The following FIBP variants were observed in gnomAD, a reference collection of about 807,000 sequenced individuals.
The protein encoded by FIBP is acidic fibroblast growth factor intracellular-binding protein.
In FIBP, 29 loss-of-function variants were observed where a neutral mutation model predicts 40.5. That is an observed-to-expected ratio of 0.72 (90% CI 0.53 to 0.98). The LOEUF (loss-of-function observed/expected upper bound fraction) is 0.98. Among genes scored for constraint, FIBP ranks in the 50% least tolerant of loss-of-function variants. The pLI, the probability that FIBP is intolerant of heterozygous loss-of-function variation, is 0.00. For missense variants in FIBP, 411 were observed against 470.2 expected, an observed-to-expected ratio of 0.87 and a Z score of 1.16; for synonymous variants, 215 against 191.1, an observed-to-expected ratio of 1.13 and a Z score of -1.03.
At chr11:65,886,509 C>A in intron 3 of FIBP, 87 bp from the exon 4 acceptor site, 3 of 838,362 alleles carry the variant, frequency 3.6e-6, no homozygotes, top group Non-Finnish European at 6.2e-6. Flanking sequence ...AACATCTCTC[C>A]CTTCCCCATC....
chr11:65,887,441 A>C, intron 3 of FIBP, 159 bp downstream of exon 3: 6 of 766,032 alleles, frequency 7.8e-6, no homozygotes, highest in Non-Finnish European at 1.1e-5. Flanking sequence ...GCAAGACTCC[A>C]TCTCGAAAAA....
At chr11:65,886,613 A>C (rs892626402) in intron 3 of FIBP, 191 bp from the exon 4 acceptor site, 1 of 551,214 alleles carries the variant, frequency 1.8e-6, no homozygotes, top group Non-Finnish European at 3.3e-6. Context: ...AATGCTTAGC[A>C]ACTCCTGCTG....
chr11:65,884,348 G>A (rs769233818), intron 9 of FIBP, 44 bp downstream of exon 9: 1 of 1,574,254 alleles, frequency 6.4e-7, no homozygotes, highest in East Asian at 2.3e-5. Context: ...GCAGGTGGCA[G>A]GCTGGGGCAA....
At position 65,885,531 on chromosome 11, in the gene FIBP, G is replaced by A. The variant is rs34330224; in HGVS notation, c.645C>T (p.Val215=). 4.1e-4 allele frequency: 655 copies of A among 1,613,316 alleles called. No homozygotes were observed. In the African/African-American group the frequency reaches 7.1e-3, roughly 17 times the overall value. The change falls in exon 5 of 10, where the codon GTC becomes GTT. Residue 215 remains valine, a splice_region_variant and synonymous_variant. Coordinates refer to ENST00000357519, the MANE Select transcript of FIBP (RefSeq NM_004214.5). ...LMIQNWTLGA[V]DSQMDDMDMD... is the part of the protein sequence containing the mutation. ...CACCTGGGTCAGTGGGGGCCTCACC[G>A]ACGGCTCCAAGGGTCCAGTTTTGGA...
At chr11:65,886,759 A>G (rs1860247846) in intron 3 of FIBP, 1 of 218,228 alleles carries the variant, frequency 4.6e-6, no homozygotes, top group Non-Finnish European at 9.2e-6. Flanking sequence ...AAAAAATAAA[A>G]AACAAATGCT....
chr11:65,887,889 ACAGT>A (rs924522877), intron 2 of FIBP, 41 bp downstream of exon 2: 1 of 1,600,042 alleles, frequency 6.2e-7, no homozygotes, highest in African/African-American at 1.3e-5. Context: ...AAATGGGTAT[ACAGT>A]CAGACTGGTT....
At position 65,883,958 on chromosome 11, in the gene FIBP, A is replaced by C. The variant is rs751873866; in HGVS notation, c.*16T>G. 6.2e-7 allele frequency: 1 copy of C among 1,612,508 alleles called. No homozygotes were observed. Among genetic ancestry groups the C allele is most frequent in the African/African-American group, 1.3e-5 (1 of 74,886 alleles). On this transcript the variant is annotated 3_prime_UTR_variant, in exon 10 of 10. Coordinates refer to ENST00000357519, the MANE Select transcript of FIBP (RefSeq NM_004214.5). ...GCAACTTTATTGTCAGCGTGGGCGG[A>C]GCGTTGGGAGGCACCTCAGTCATGA...
chr11:65,884,265 G>A, intron 9 of FIBP, 127 bp downstream of exon 9: 1 of 894,470 alleles, frequency 1.1e-6, no homozygotes, highest in Non-Finnish European at 1.8e-6. Context: ...CCAGAGCTTT[G>A]GTCCAGAGAC....
At chr11:65,887,500 G>A in intron 3 of FIBP, 100 bp downstream of exon 3, 1 of 1,138,774 alleles carries the variant, frequency 8.8e-7, no homozygotes, top group Non-Finnish European at 1.3e-6. Flanking sequence ...GACTAGGTAT[G>A]AAGCTGCTGC....
rs1423910137 is a variant in FIBP, at chr11:65,883,886, C to G, written c.*88G>C. 1.7e-6 allele frequency: 2 copies of G among 1,162,950 alleles called. No individual in the cohort carries two copies. The highest frequency in any genetic ancestry group is 2.5e-6 in the Non-Finnish European group (2 of 796,768). 72.0% of individuals were successfully genotyped at this position (1,162,950 alleles called of 1,614,324 possible). A position where few individuals can be genotyped will look rare whatever the true frequency, so the allele number is the denominator to read the frequency against. Reference sequence around the variant, plus strand: ...AGAGACAGACACAGGCACATCTGCACGCCCCCCACTTGCTCCCCGGAGCGA... The same window carrying G: ...AGAGACAGACACAGGCACATCTGCAGGCCCCCCACTTGCTCCCCGGAGCGA... On this transcript the variant is annotated 3_prime_UTR_variant, in exon 10 of 10. Coordinates refer to ENST00000357519, the MANE Select transcript of FIBP (RefSeq NM_004214.5).
At chr11:65,888,204 C>T (rs1860295273) in intron 1 of FIBP, 72 bp from the exon 2 acceptor site, 2 of 1,484,974 alleles carry the variant, frequency 1.3e-6, no homozygotes, top group South Asian at 1.2e-5. Context: ...CCATCCCAGA[C>T]CCCTATAACA....
In FIBP at chr11:65,884,004, G is replaced by A. The variant is rs200017030; in HGVS notation, c.1044C>T (p.Arg348=). The A allele has an allele frequency of 7.7e-5, 125 of 1,613,952 alleles. 1 individual carries two copies. The East Asian group carries it at 1.0e-3, about 14-fold the overall frequency. ...ALWDRYMGTL[R]GCLLRLYHD is the part of the protein sequence containing the mutation. ...CATGATACAGGCGCAGGAGGCAGCC[G>A]CGGAGGGTGCCCATGTAGCGGTCCC... Residue 348 remains arginine (R), a synonymous_variant, in exon 10 of 10, where the codon CGC becomes CGT. Transcript: ENST00000357519.
Position 65,886,425 on chromosome 11 carries a change from G to T in FIBP, c.412-3C>A, listed in dbSNP as rs776989888. The T allele has an allele frequency of 2.5e-6, 4 of 1,606,214 alleles. No individual in the cohort carries two copies. The highest frequency in any genetic ancestry group is 3.4e-6 in the Non-Finnish European group (4 of 1,172,858). ...AAGACCCGTTTAAAGTTGTCAAACT[G>T]CAGGGCAGTTAGGGTAGAAGAGAGG... On this transcript the variant is annotated splice_polypyrimidine_tract_variant and splice_region_variant and intron_variant, in intron 3 of 9. Transcript: ENST00000357519.
In FIBP at chr11:65,886,414, G is replaced by A. The variant is rs1372414749; in HGVS notation, c.420C>T (p.Asn140=). ...TLKSCRRQFD[N]FKRVFKVVEE... is the part of the protein sequence containing the mutation. ...CTACCACCTTGAAGACCCGTTTAAA[G>A]TTGTCAAACTGCAGGGCAGTTAGGG... The change falls in exon 4 of 10, where the codon AAC becomes AAT. Residue 140 remains asparagine, a synonymous_variant. Transcript: ENST00000357519. 5 of 1,613,008 alleles carry A rather than the reference G, an allele frequency of 3.1e-6. No individual in the cohort carries two copies. The highest frequency in any genetic ancestry group is 1.7e-5 in the Admixed American group (1 of 60,002).
chr11:65,885,499 G>A (rs184684452), intron 5 of FIBP, 31 bp downstream of exon 5: 77 of 1,602,732 alleles, frequency 4.8e-5, no homozygotes, highest in South Asian at 1.1e-4. Flanking sequence ...ATGGGGAGGC[G>A]TCCAGGCACC....
rs1860283281 is a variant in FIBP at position 65,887,923 on chromosome 11, AG to A, written c.284+10del. 6.2e-7 allele frequency: 1 copy of A among 1,612,296 alleles called. No individual in the cohort carries two copies. Among genetic ancestry groups the A allele is most frequent in the Admixed American group, 1.7e-5 (1 of 59,770 alleles). ...CTGGTTGATGTCTCCACCATCCCAGAGGGTGAGCACCTCTCGATGAGTAGTG... is the reference window on the plus strand; with the variant it reads ...CTGGTTGATGTCTCCACCATCCCAGAGGTGAGCACCTCTCGATGAGTAGTG... On this transcript the variant is annotated intron_variant, in intron 2 of 9. Transcript: ENST00000357519.
In FIBP at chr11:65,884,831, T is replaced by C; in HGVS notation, c.819+104A>G. The C allele has an allele frequency of 2.1e-6, 3 of 1,438,664 alleles. No individual in the cohort carries two copies. In the South Asian group the frequency reaches 3.4e-5, roughly 16 times the overall value. The allele number at this position is 1,438,664 out of a possible 1,614,324, so 89.1% of individuals were successfully genotyped here. ...CAGCGGCCACCAGAGGGAGCAGCAG[T>C]GCCACCTGCCGGCCAATCCCTGGCA... is the stretch of plus-strand genomic sequence containing the variant. On this transcript the variant is annotated intron_variant, in intron 7 of 9. Coordinates refer to ENST00000357519, the MANE Select transcript of FIBP (RefSeq NM_004214.5).
Position 65,884,606 on chromosome 11 carries a change from T to C in FIBP, c.870A>G (p.Lys290=). 6.2e-7 allele frequency: 1 copy of C among 1,614,144 alleles called. No individual in the cohort carries two copies. The highest frequency in any genetic ancestry group is 8.5e-7 in the Non-Finnish European group (1 of 1,180,018). Residue 290 remains lysine (K), a synonymous_variant, in exon 8 of 10, where the codon AAA becomes AAG. Transcript: ENST00000357519. ...GGTCCACAAACAGGTCTCTGACATC[T>C]TTATTGTGGGTCAGCTTGGCGGCCA... ...VNVAAKLTHN[K]DVRDLFVDLV... is the part of the protein sequence containing the mutation.
In FIBP at chr11:65,886,527, C is replaced by G; in HGVS notation, c.412-105G>C. 6.6e-6 allele frequency: 5 copies of G among 753,672 alleles called. No homozygotes were observed. In the East Asian group the frequency reaches 1.3e-4, roughly 19 times the overall value. 46.7% of individuals were successfully genotyped at this position (753,672 alleles called of 1,614,324 possible). A position where few individuals can be genotyped will look rare whatever the true frequency, so the allele number is the denominator to read the frequency against. ...ATCTCTCCCTTCCCCATCCACCTATCCAGTCAGCAGATGCTGATTTAGCAT... is the reference window on the plus strand; with the variant it reads ...ATCTCTCCCTTCCCCATCCACCTATGCAGTCAGCAGATGCTGATTTAGCAT... On this transcript the variant is annotated intron_variant, in intron 3 of 9. Transcript: ENST00000357519.
Sources: allele counts gnomAD v4.1 joint callset, GRCh38; gene constraint gnomAD v4.1.1; transcripts MANE v1.5; gene names NCBI Gene and HGNC (gene_info 2026-07-23, HGNC 2026-07-21).